The following RCOR1 variants were observed in gnomAD, a reference collection of about 807,000 sequenced individuals.
RCOR1 encodes the protein REST corepressor 1, also known as REST corepressor.
A neutral mutation model predicts 64.0 loss-of-function variants in RCOR1; 12 were observed. That is an observed-to-expected ratio of 0.19 (90% CI 0.12 to 0.30). RCOR1 has a LOEUF of 0.30. Among genes scored for constraint, RCOR1 ranks in the 10% least tolerant of loss-of-function variants. The pLI is 1.00. For missense variants in RCOR1, 502 were observed against 621.2 expected (o/e 0.81, Z 2.04); for synonymous variants, 279 against 227.2 (o/e 1.23, Z -2.05).
intron 5 of RCOR1, among the ~76,000 whole-genome samples, chr14:102,708,187 G>A (rs906212096): frequency 3.3e-5 from 5 of 152,074 alleles, no homozygotes; most frequent in South Asian, 4.2e-4. Context: ...GGATGGTCTC[G>A]ATCTCTTGAC....
At chr14:102,664,029 T>C (rs1894872226) in intron 2 of RCOR1, among the ~76,000 whole-genome samples, 1 of 152,202 alleles carries the variant, frequency 6.6e-6, no homozygotes. Context: ...TCTAACTTCC[T>C]TCTTGGGGGA....
intron 2 of RCOR1, among the ~76,000 whole-genome samples, chr14:102,644,719 C>G (rs377399689): frequency 3.5e-4 from 53 of 152,248 alleles, no homozygotes; most frequent in African/African-American, 1.3e-3. Context: ...GCAGGACAAG[C>G]TTAGGATAAT....
In RCOR1 at chr14:102,592,981, C is replaced by T. The variant is rs780105803; in HGVS notation, c.95C>T (p.Ala32Val). 7 of 1,159,076 alleles carry T rather than the reference C, an allele frequency of 6.0e-6. No homozygotes were observed. In the African/African-American group the frequency reaches 8.2e-5, roughly 14 times the overall value. 71.8% of individuals were successfully genotyped at this position (1,159,076 alleles called of 1,614,324 possible). ...AASASAAAAS[A>V]AASAACASPA... ...TCCGCCTCCGCCGCCGCCGCCTCCG[C>T]CGCCGCCTCGGCCGCCTGCGCCTCG... The change falls in exon 1 of 12, where the codon GCC becomes GTC. Residue 32 changes from alanine (A) to valine (V), a missense_variant. This residue lies in a region of RCOR1 where 242 missense variants were observed against 204.9 expected (regional missense o/e 1.18). Transcript: ENST00000262241.
chr14:102,650,958 T>C (rs572533276), intron 2 of RCOR1: 2 of 807,324 alleles, frequency 2.5e-6, no homozygotes, highest in East Asian at 1.3e-4. Context: ...ATTCCTGTAT[T>C]AGACAATGAG....
At chr14:102,595,394 G>C (rs1284416764) in intron 2 of RCOR1, among the ~76,000 whole-genome samples, 2 of 151,996 alleles carry the variant, frequency 1.3e-5, no homozygotes, top group African/African-American at 4.8e-5. Flanking sequence ...TTCAGCTACG[G>C]GGGGGTCTGA....
In RCOR1 at chr14:102,648,404, T is replaced by C. The variant is rs1034432167; in HGVS notation, c.362-33491T>C. Among the ~76,000 whole-genome samples, 11 of 152,216 alleles carry C rather than the reference T, an allele frequency of 7.2e-5. No homozygotes were observed. In the East Asian group the frequency reaches 2.1e-3, roughly 29 times the overall value. ...CTCTATAATCCTTTAAATGCTTGTT[T>C]ATGGTATCTTAGAATATTTCAAATT... On this transcript the variant is annotated intron_variant, in intron 2 of 11. Transcript: ENST00000262241.
chr14:102,679,853 T>C (rs2139959257), intron 2 of RCOR1, among the ~76,000 whole-genome samples: 1 of 152,346 alleles, frequency 6.6e-6, no homozygotes, highest in East Asian at 1.9e-4. Flanking sequence ...TTAGATAGTG[T>C]AAGTCTTCCA....
At chr14:102,621,890 G>C (rs940684908) in intron 2 of RCOR1, among the ~76,000 whole-genome samples, 21 of 152,128 alleles carry the variant, frequency 1.4e-4, no homozygotes, top group African/African-American at 4.3e-4. Context: ...AATGCAAGGT[G>C]GGATGGTCTT....
chr14:102,695,212 C>T (rs1328390448), intron 3 of RCOR1, among the ~76,000 whole-genome samples: 1 of 152,202 alleles, frequency 6.6e-6, no homozygotes, highest in Non-Finnish European at 1.5e-5. Context: ...TGAAGTTTAG[C>T]GTCCATCTGT....
chr14:102,687,829 G>A (rs76862436), intron 3 of RCOR1, among the ~76,000 whole-genome samples: 1 of 152,314 alleles, frequency 6.6e-6, no homozygotes, highest in African/African-American at 2.4e-5. Flanking sequence ...TCAGCAGAAG[G>A]TGCTAGCTTT....
chr14:102,686,254 C>T (rs1895415824), intron 3 of RCOR1, among the ~76,000 whole-genome samples: 1 of 152,134 alleles, frequency 6.6e-6, no homozygotes, highest in Non-Finnish European at 1.5e-5. Context: ...TAATACATTT[C>T]TTATTTTCTT....
intron 2 of RCOR1, among the ~76,000 whole-genome samples, chr14:102,613,846 G>A (rs1213658066): frequency 1.3e-5 from 2 of 148,312 alleles, no homozygotes; most frequent in South Asian, 2.1e-4. Flanking sequence ...GTGAACCACC[G>A]CGCCTGGCTG....
At chr14:102,689,352 G>T (rs74084110) in intron 3 of RCOR1, among the ~76,000 whole-genome samples, 3,189 of 152,174 alleles carry the variant, frequency 0.021, 112 homozygotes, top group African/African-American at 0.074. Context: ...AAAAGAAGGG[G>T]AGTGGAACTA....
At chr14:102,693,380 T>C (rs1895577803) in intron 3 of RCOR1, among the ~76,000 whole-genome samples, 1 of 151,366 alleles carries the variant, frequency 6.6e-6, no homozygotes, top group African/African-American at 2.4e-5. Flanking sequence ...GTTAAATCAG[T>C]GGAGAATAAT....
At chr14:102,646,579 G>A (rs1316404404) in intron 2 of RCOR1, among the ~76,000 whole-genome samples, 1 of 152,196 alleles carries the variant, frequency 6.6e-6, no homozygotes, top group East Asian at 1.9e-4. Context: ...CCAGAAAGTA[G>A]TAGGCAAAGA....
chr14:102,622,839 T>C (rs1318116753), intron 2 of RCOR1, among the ~76,000 whole-genome samples: 1 of 152,230 alleles, frequency 6.6e-6, no homozygotes, highest in Non-Finnish European at 1.5e-5. Flanking sequence ...CTGAATGTGA[T>C]GTCATGAGTT....
chr14:102,722,131 G>GT, intron 10 of RCOR1, 56 bp from the exon 11 acceptor site: 5 of 1,372,588 alleles, frequency 3.6e-6, no homozygotes. Context: ...GTCACTTGTG[G>GT]TTTTAAAAAA....
chr14:102,656,115 AT>A, intron 2 of RCOR1: 1 of 984,730 alleles, frequency 1.0e-6, no homozygotes, highest in Non-Finnish European at 1.2e-6. Flanking sequence ...ATTCTTTGAA[AT>A]CACTTTGCTG....
rs1023781695 is a variant in RCOR1, at chr14:102,714,664, T to C, written c.1053+47T>C. ...GATGTAAAAGAATTAATTAGCACTT[T>C]AGAGGTGTTTCTGTTATTCATATAT... On this transcript the variant is annotated intron_variant, in intron 8 of 11. Transcript: ENST00000262241. 4.3e-6 allele frequency: 6 copies of C among 1,409,612 alleles called. No homozygotes were observed. The Admixed American group carries it at 8.8e-5, about 21-fold the overall frequency. 87.3% of individuals were successfully genotyped at this position (1,409,612 alleles called of 1,614,324 possible).
Sources: allele counts gnomAD v4.1 joint callset (sites outside exome capture counted in the v4.1 genomes callset), GRCh38; gene constraint gnomAD v4.1.1; regional missense constraint gnomAD v4.1.1; transcripts MANE v1.5; gene names NCBI Gene and HGNC (gene_info 2026-07-23, HGNC 2026-07-21).